The following DMP1 variants were observed in gnomAD, a reference collection of about 807,000 sequenced individuals.
DMP1 encodes the protein dentin matrix protein 1.
DMP1 carries 20 observed loss-of-function variants against 14.6 expected under a neutral mutation model. The ratio of observed to expected loss-of-function variants is 1.37; its 90% CI spans 0.96 to 1.99. The LOEUF (loss-of-function observed/expected upper bound fraction) is 1.99. Among genes scored for constraint, DMP1 ranks in the 30% most tolerant of loss-of-function variants. DMP1 has a pLI of 0.00. For missense variants in DMP1, 567 were observed against 620.5 expected (o/e 0.91, Z 0.92); for synonymous variants, 197 against 215.3 (o/e 0.91, Z 0.75).
In DMP1 at chr4:87,662,587, A is replaced by C. The variant is rs377338877; in HGVS notation, c.809A>C (p.Lys270Thr). Residue 270 changes from lysine to threonine, a missense_variant, in exon 6 of 6, where the codon AAG (lysine) becomes ACG (threonine). Physicochemically the swap from Lys to Thr is moderately conservative, Grantham distance 78 (BLOSUM62 -1). Transcript: ENST00000339673. The part of the protein sequence containing the change: ...LEHPSRKIFR[K>T]SRISEEDDRS... ...CATCCCAGTAGGAAAATTTTTAGGAAGTCTCGCATCTCAGAGGAAGATGAC... is the reference window on the plus strand; with the variant it reads ...CATCCCAGTAGGAAAATTTTTAGGACGTCTCGCATCTCAGAGGAAGATGAC... 4 of 1,614,008 alleles carry C rather than the reference A, an allele frequency of 2.5e-6. No homozygotes were observed. In the African/African-American group the frequency reaches 5.3e-5, roughly 22 times the overall value.
At chr4:87,654,112 G>T (rs1261887102) in intron 1 of DMP1, among the ~76,000 whole-genome samples, 1 of 152,108 alleles carries the variant, frequency 6.6e-6, no homozygotes, top group Non-Finnish European at 1.5e-5. Context: ...TTCTTGATAT[G>T]GGACAGGACC....
chr4:87,661,290 G>A (rs1728864476), intron 5 of DMP1, among the ~76,000 whole-genome samples: 2 of 139,056 alleles, frequency 1.4e-5, no homozygotes, highest in South Asian at 4.6e-4. Flanking sequence ...GCGCAATCTC[G>A]GCTCACTGCA....
At chr4:87,656,400 A>G in intron 1 of DMP1, 72 bp from the exon 2 acceptor site, 1 of 861,444 alleles carries the variant, frequency 1.2e-6, no homozygotes, top group East Asian at 2.4e-5. Context: ...TTTAGTAGGA[A>G]GAAACTGTTA....
chr4:87,650,918 G>C (rs1473051036), intron 1 of DMP1, among the ~76,000 whole-genome samples: 1 of 152,086 alleles, frequency 6.6e-6, no homozygotes, highest in Non-Finnish European at 1.5e-5. Flanking sequence ...AAATAACTGA[G>C]GGTGTGATAA....
At chr4:87,656,571 GA>G (rs766307823) in intron 2 of DMP1, 25 bp downstream of exon 2, 34 of 1,522,162 alleles carry the variant, frequency 2.2e-5, no homozygotes, top group Non-Finnish European at 3.0e-5. Flanking sequence ...AGGGATATAT[GA>G]AAAAACCCTT....
intron 3 of DMP1, among the ~76,000 whole-genome samples, chr4:87,658,076 G>C (rs1578152867): frequency 1.3e-5 from 2 of 152,188 alleles, no homozygotes; most frequent in Non-Finnish European, 2.9e-5. Context: ...AACATGCCCT[G>C]TTCTCAAGTC....
rs564415664 is a variant in DMP1, at chr4:87,653,382, G to A, written c.-22+2998G>A. Among the ~76,000 whole-genome samples the A allele has an allele frequency of 1.4e-3, 123 of 84,834 alleles. 2 individuals carry two copies. The highest frequency in any genetic ancestry group is 1.9e-3 in the Admixed American group (13 of 6,926). The allele number at this position is 84,834 out of a possible 152,430, so 55.7% of individuals were successfully genotyped here. ...ATATTCAGCATATTCAGGCATTATC[G>A]AGTGATATATATATATATATATATA... On this transcript the variant is annotated intron_variant, in intron 1 of 5. Coordinates refer to ENST00000339673, the MANE Select transcript of DMP1 (RefSeq NM_004407.4).
At position 87,661,647 on chromosome 4, in the gene DMP1, G is replaced by GTTTT. The variant is rs33971931; in HGVS notation, c.184-302_184-299dup. ...GTGAGCCACCTTGCCCAGCCCAAGA[G>GTTTT]TTTTTTTTTTTTTTTTAAGGAATTA... On this transcript the variant is annotated intron_variant, in intron 5 of 5. Transcript: ENST00000339673. Among the ~76,000 whole-genome samples, 65 of 142,924 alleles carry GTTTT rather than the reference G, an allele frequency of 4.5e-4. 1 individual carries two copies. Among genetic ancestry groups the GTTTT allele is most frequent in the African/African-American group, 1.1e-3 (44 of 38,610 alleles). 93.8% of individuals were successfully genotyped at this position (142,924 alleles called of 152,430 possible). A position where few individuals can be genotyped will look rare whatever the true frequency, so the allele number is the denominator to read the frequency against.
Position 87,663,824 on chromosome 4 carries a change from A to T in DMP1, c.*504A>T, listed in dbSNP as rs1729007748. ...CTATGAACACGATATCTATCTGGGA[A>T]CACTGAGAAGGGTGACCAATGCGTT... On this transcript the variant is annotated 3_prime_UTR_variant, in exon 6 of 6. Coordinates refer to ENST00000339673, the MANE Select transcript of DMP1 (RefSeq NM_004407.4). 5.5e-6 allele frequency: 1 copy of T among 182,978 alleles called. No individual in the cohort carries two copies. The allele number at this position is 182,978 out of a possible 1,614,324, so 11.3% of individuals were successfully genotyped here.
At chr4:87,652,694 A>G (rs1042346013) in intron 1 of DMP1, among the ~76,000 whole-genome samples, 1 of 152,210 alleles carries the variant, frequency 6.6e-6, no homozygotes, top group Non-Finnish European at 1.5e-5. Context: ...TTGGTTTAGA[A>G]TAAATGCACA....
At chr4:87,654,078 G>A (rs1287708680) in intron 1 of DMP1, among the ~76,000 whole-genome samples, 1 of 152,156 alleles carries the variant, frequency 6.6e-6, no homozygotes, top group Non-Finnish European at 1.5e-5. Flanking sequence ...ATTCTTCTTG[G>A]CCTCTCCGTG....
chr4:87,655,239 A>G (rs1383063718), intron 1 of DMP1, among the ~76,000 whole-genome samples: 1 of 152,254 alleles, frequency 6.6e-6, no homozygotes, highest in Non-Finnish European at 1.5e-5. Flanking sequence ...GGCAGCTACC[A>G]GGGCTTACTA....
At chr4:87,650,893 A>T (rs917859437) in intron 1 of DMP1, among the ~76,000 whole-genome samples, 3 of 152,324 alleles carry the variant, frequency 2.0e-5, no homozygotes, top group Non-Finnish European at 2.9e-5. Context: ...TAACTAAAAG[A>T]TGATTAAACT....
chr4:87,663,851 G>A lies in DMP1; in HGVS notation c.*531G>A, dbSNP rs576517665. The A allele has an allele frequency of 1.0e-4, 17 of 169,074 alleles. No individual in the cohort carries two copies. Among genetic ancestry groups the A allele is most frequent in the Middle Eastern group, 6.1e-3 (2 of 328 alleles). The allele number at this position is 169,074 out of a possible 1,614,324, so 10.5% of individuals were successfully genotyped here. On this transcript the variant is annotated 3_prime_UTR_variant, in exon 6 of 6. Transcript: ENST00000339673. ...ACTGAGAAGGGTGACCAATGCGTTG[G>A]AGAACGAGGGAGGGCTTCATAGCAG...
In DMP1 at chr4:87,656,505, A is replaced by T; in HGVS notation, c.13A>T (p.Ile5Phe). 2.5e-6 allele frequency: 4 copies of T among 1,609,666 alleles called. No homozygotes were observed. Among genetic ancestry groups the T allele is most frequent in the Non-Finnish European group, 3.4e-6 (4 of 1,175,982 alleles). The change falls in exon 2 of 6, where the codon ATC (isoleucine) becomes TTC (phenylalanine). Residue 5 changes from isoleucine (I) to phenylalanine (F), a missense_variant. Transcript: ENST00000339673. MKIS[I>F]LLMFLWGLSC... is the part of the protein sequence containing the mutation. ...ATCACACCCAACTATGAAGATCAGC[A>T]TCCTGCTCATGTTCCTTTGGGGATT...
At chr4:87,661,124 G>GC (rs1728854184) in intron 5 of DMP1, among the ~76,000 whole-genome samples, 3 of 148,808 alleles carry the variant, frequency 2.0e-5, no homozygotes, top group Non-Finnish European at 3.0e-5. Flanking sequence ...TGCAACCTCT[G>GC]CCCCCCAGGT....
At chr4:87,654,027 A>G (rs540489263) in intron 1 of DMP1, among the ~76,000 whole-genome samples, 1 of 152,314 alleles carries the variant, frequency 6.6e-6, no homozygotes, top group East Asian at 1.9e-4. Flanking sequence ...TTGACCTTAT[A>G]CTAGTAGACC....
chr4:87,651,255 C>T (rs1728525503), intron 1 of DMP1, among the ~76,000 whole-genome samples: 1 of 152,116 alleles, frequency 6.6e-6, no homozygotes, highest in African/African-American at 2.4e-5. Context: ...GTCCACTTAC[C>T]TACCTGAAAA....
chr4:87,661,877 A>C lies in DMP1; in HGVS notation c.184-85A>C, dbSNP rs1728896833. The stretch of plus-strand genomic sequence containing the variant: ...AGAGGAGGGGATGTAGGGCGAAGGA[A>C]GCAGAAAGACTAGAAAGGCTCTAGA... On this transcript the variant is annotated intron_variant, in intron 5 of 5. Coordinates refer to ENST00000339673, the MANE Select transcript of DMP1 (RefSeq NM_004407.4). 4 of 1,610,814 alleles carry C rather than the reference A, an allele frequency of 2.5e-6. No homozygotes were observed. In the East Asian group the frequency reaches 8.9e-5, roughly 36 times the overall value.
Sources: allele counts gnomAD v4.1 joint callset (sites outside exome capture counted in the v4.1 genomes callset), GRCh38; gene constraint gnomAD v4.1.1; transcripts MANE v1.5; gene names NCBI Gene and HGNC (gene_info 2026-07-23, HGNC 2026-07-21).